WWOX: variants seen among roughly 807,000 people sequenced by gnomAD.
WWOX encodes WW domain containing oxidoreductase.
WWOX carries 69 observed loss-of-function variants against 46.2 expected under a neutral mutation model. The ratio of observed to expected loss-of-function variants is 1.49; its 90% confidence interval spans 1.23 to 1.82. The LOEUF (loss-of-function observed/expected upper bound fraction) is 1.82. WWOX is among the 40% of genes most tolerant of loss of function. The probability of loss-of-function intolerance (pLI) is 0.00; values close to 1 mark genes in which losing one functional copy is unlikely to be tolerated. For missense variants in WWOX, 919 were observed against 542.6 expected (o/e 1.69, Z -6.89); for synonymous variants, 359 against 202.6 (o/e 1.77, Z -6.56).
chr16:78,157,176 C>T (rs541279148), intron 4 of WWOX, among the ~76,000 whole-genome samples: 1 of 152,214 alleles, frequency 6.6e-6, no homozygotes, highest in African/African-American at 2.4e-5. Context: ...CCATTCCGTC[C>T]AAGATCTTCT....
chr16:79,041,786 T>C (rs1216286611), intron 8 of WWOX, among the ~76,000 whole-genome samples: 1 of 152,198 alleles, frequency 6.6e-6, no homozygotes, highest in Non-Finnish European at 1.5e-5. Context: ...TTTCATTCCA[T>C]ACGCTTTTGC....
intron 5 of WWOX, among the ~76,000 whole-genome samples, chr16:78,311,823 AC>A (rs2080251099): frequency 6.6e-6 from 1 of 152,212 alleles, no homozygotes; most frequent in Admixed American, 6.5e-5. Flanking sequence ...GGCTGCCATA[AC>A]AAAGTTCTTC....
At chr16:78,521,828 C>G (rs1262050480) in intron 8 of WWOX, among the ~76,000 whole-genome samples, 1 of 151,708 alleles carries the variant, frequency 6.6e-6, no homozygotes, top group South Asian at 2.1e-4. Flanking sequence ...CACAGTTGAC[C>G]CTAAGCCTAT....
intron 4 of WWOX, among the ~76,000 whole-genome samples, chr16:78,141,733 T>C (rs1447384850): frequency 6.6e-6 from 1 of 152,166 alleles, no homozygotes; most frequent in Non-Finnish European, 1.5e-5. Flanking sequence ...TAGAAATATT[T>C]GTTACTTTTT....
At chr16:78,655,230 C>T (rs549612795) in intron 8 of WWOX, among the ~76,000 whole-genome samples, 2 of 152,290 alleles carry the variant, frequency 1.3e-5, no homozygotes, top group South Asian at 4.2e-4. Flanking sequence ...CTCTCCGTCT[C>T]TGCCTCATCT....
At chr16:79,148,398 T>C in intron 8 of WWOX, among the ~76,000 whole-genome samples, 1 of 152,218 alleles carries the variant, frequency 6.6e-6, no homozygotes, top group East Asian at 1.9e-4. Flanking sequence ...GGTATCTTTC[T>C]GGCTTCTTTA....
intron 5 of WWOX, among the ~76,000 whole-genome samples, chr16:78,376,144 C>G (rs1229703687): frequency 6.6e-6 from 1 of 152,164 alleles, no homozygotes; most frequent in Non-Finnish European, 1.5e-5. Flanking sequence ...GCCACCACGC[C>G]CAGCCGCTTC....
In WWOX at chr16:78,763,082, C is replaced by T. The variant is rs192687888; in HGVS notation, c.1056+330330C>T. 7.9e-5 allele frequency among the ~76,000 whole-genome samples: 12 copies of T among 152,288 alleles called. No homozygotes were observed. The South Asian group carries it at 1.0e-3, about 13-fold the overall frequency. On this transcript the variant is annotated intron_variant, in intron 8 of 8. Coordinates refer to ENST00000566780, the MANE Select transcript of WWOX (RefSeq NM_016373.4). ...CATATTGCAATAAAGCAGATTTTTC[C>T]TGAGCACCTACTCTGTGCCAAAGCA...
chr16:78,323,074 C>A (rs374819940), intron 5 of WWOX, among the ~76,000 whole-genome samples: 8 of 152,138 alleles, frequency 5.3e-5, no homozygotes, highest in African/African-American at 1.9e-4. Context: ...CGTTCCTTAC[C>A]TACAGCCTGC....
At chr16:78,804,155 T>G (rs979907072) in intron 8 of WWOX, among the ~76,000 whole-genome samples, 1 of 152,056 alleles carries the variant, frequency 6.6e-6, no homozygotes, top group African/African-American at 2.4e-5. Flanking sequence ...CTGTCACAAC[T>G]TTTTAATAAG....
chr16:79,025,735 C>A (rs1425948461), intron 8 of WWOX, among the ~76,000 whole-genome samples: 2 of 151,850 alleles, frequency 1.3e-5, no homozygotes. Context: ...TTCTCCATGG[C>A]CTTTCTGATA....
chr16:78,675,745 A>G (rs1256480117), intron 8 of WWOX, among the ~76,000 whole-genome samples: 1 of 152,194 alleles, frequency 6.6e-6, no homozygotes, highest in Non-Finnish European at 1.5e-5. Context: ...AGGGCAAGAC[A>G]GAAGGATTGC....
intron 8 of WWOX, among the ~76,000 whole-genome samples, chr16:78,620,506 T>C (rs1250390671): frequency 2.0e-5 from 3 of 152,190 alleles, no homozygotes; most frequent in African/African-American, 4.8e-5. Flanking sequence ...GCCTTGGTCA[T>C]GTACCCTCTC....
intron 8 of WWOX, among the ~76,000 whole-genome samples, chr16:78,882,689 T>A (rs1176050610): frequency 1.3e-5 from 2 of 151,970 alleles, no homozygotes; most frequent in Non-Finnish European, 2.9e-5. Context: ...GGGTTTCACC[T>A]TGCTGGCCAG....
At chr16:79,126,269 C>T (rs1234594682) in intron 8 of WWOX, among the ~76,000 whole-genome samples, 1 of 152,108 alleles carries the variant, frequency 6.6e-6, no homozygotes, top group Admixed American at 6.5e-5. Flanking sequence ...GAAGGGTAAG[C>T]ACCTAGTCAA....
At chr16:78,963,699 A>T (rs1180264316) in intron 8 of WWOX, among the ~76,000 whole-genome samples, 1 of 152,182 alleles carries the variant, frequency 6.6e-6, no homozygotes, top group African/African-American at 2.4e-5. Flanking sequence ...CAGACATTGC[A>T]CTATGCACTT....
At chr16:78,465,446 C>T (rs1393908109) in intron 8 of WWOX, among the ~76,000 whole-genome samples, 1 of 152,202 alleles carries the variant, frequency 6.6e-6, no homozygotes, top group Non-Finnish European at 1.5e-5. Context: ...TCCCGAAGTG[C>T]TGGGATTACA....
At chr16:78,176,192 C>T (rs2035339265) in intron 5 of WWOX, among the ~76,000 whole-genome samples, 1 of 152,158 alleles carries the variant, frequency 6.6e-6, no homozygotes, top group African/African-American at 2.4e-5. Flanking sequence ...TCATCAGAAC[C>T]CAGCTAAAAC....
chr16:79,006,506 C>CT (rs1049594059), intron 8 of WWOX, among the ~76,000 whole-genome samples: 21 of 146,636 alleles, frequency 1.4e-4, no homozygotes, highest in South Asian at 4.3e-4. Context: ...CTGAGTTACG[C>CT]TTTTTTTTTT....
Sources: gnomAD v4.1 joint callset for allele counts (sites outside exome capture counted in the v4.1 genomes callset) on GRCh38, gnomAD v4.1.1 for gene constraint, MANE v1.5 for transcripts, NCBI Gene and HGNC (gene_info 2026-07-23, HGNC 2026-07-21) for gene names.